Variants in SPATA3 observed in about 807,000 individuals in gnomAD.
SPATA3 encodes spermatogenesis associated 3, also known as spermatogenesis-associated protein 3.
Under a neutral mutation model 5.7 loss-of-function variants are expected in SPATA3, and 6 were observed. The observed-to-expected ratio is 1.06, with a 90% confidence interval of 0.58 to 2.09. SPATA3 has a LOEUF of 2.09. Ranked by LOEUF, SPATA3 falls within the 30% of genes most tolerant of loss-of-function variation. The pLI is 0.00. For missense variants in SPATA3, 155 were observed against 130.4 expected, an observed-to-expected ratio of 1.19 and a Z score of -0.92; for synonymous variants, 44 against 48.4, an observed-to-expected ratio of 0.91 and a Z score of 0.37.
intron 2 of SPATA3, among the ~76,000 whole-genome samples, chr2:231,001,745 A>C (rs188485095): frequency 4.6e-5 from 7 of 152,228 alleles, no homozygotes; most frequent in Admixed American, 3.9e-4. Flanking sequence ...AAACCAGAAC[A>C]GGGAACTTTA....
At chr2:231,017,060 C>T (rs1692954848) in intron 6 of SPATA3, among the ~76,000 whole-genome samples, 2 of 152,136 alleles carry the variant, frequency 1.3e-5, no homozygotes, top group Admixed American at 1.3e-4. Context: ...GCATCATATG[C>T]CTGTTTCGTA....
downstream of SPATA3, chr2:231,004,209 G>A (rs1209767917): frequency 2.6e-5 from 4 of 152,234 alleles, no homozygotes; most frequent in African/African-American, 9.7e-5. Flanking sequence ...TTCCTTAGCT[G>A]CTATGCTATT....
chr2:231,015,129 G>C (rs916437825), intron 6 of SPATA3, among the ~76,000 whole-genome samples: 1 of 152,124 alleles, frequency 6.6e-6, no homozygotes, highest in Non-Finnish European at 1.5e-5. Context: ...CCCAACTGAG[G>C]AGAGAGGGAG....
downstream of SPATA3, among the ~76,000 whole-genome samples, chr2:231,008,034 A>G (rs1472290524): frequency 1.3e-5 from 2 of 152,148 alleles, no homozygotes; most frequent in Non-Finnish European, 2.9e-5. Flanking sequence ...AAAAAAAGGA[A>G]CCACCAAAGA....
downstream of SPATA3, among the ~76,000 whole-genome samples, chr2:231,003,365 G>A (rs1402821966): frequency 6.6e-6 from 1 of 152,180 alleles, no homozygotes; most frequent in African/African-American, 2.4e-5. Context: ...GGCTCATGCA[G>A]CCATCTTCCC....
chr2:231,016,369 C>T (rs35947267), intron 6 of SPATA3, among the ~76,000 whole-genome samples: 59,436 of 151,876 alleles, frequency 0.39, 12,380 homozygotes, highest in African/African-American at 0.52. Context: ...CACACTTCCC[C>T]GAATTCTCTG....
downstream of SPATA3, among the ~76,000 whole-genome samples, chr2:231,005,571 T>C (rs796280961): frequency 3.8e-4 from 7 of 18,422 alleles, no homozygotes; most frequent in South Asian, 3.5e-3. Flanking sequence ...ATCACCATCA[T>C]CATCACCATC....
At chr2:231,003,000 CA>C (rs1390452806), downstream of SPATA3, among the ~76,000 whole-genome samples, 2 of 152,128 alleles carry the variant, frequency 1.3e-5, no homozygotes, top group African/African-American at 4.8e-5. Flanking sequence ...CTCATTATTA[CA>C]ATCATCTAAA....
chr2:230,998,599 G>A (rs1692223765), intron 1 of SPATA3, among the ~76,000 whole-genome samples: 1 of 152,228 alleles, frequency 6.6e-6, no homozygotes, highest in Non-Finnish European at 1.5e-5. Flanking sequence ...TGGAGATGAA[G>A]GATGAGGGCC....
intron 6 of SPATA3, among the ~76,000 whole-genome samples, chr2:231,017,183 A>C (rs567705605): frequency 3.2e-4 from 49 of 152,226 alleles, no homozygotes; most frequent in Non-Finnish European, 5.9e-4. Context: ...ACCTAGCTCC[A>C]TCTGGCTTAG....
chr2:231,016,725 G>A (rs562498155), intron 6 of SPATA3, among the ~76,000 whole-genome samples: 51 of 152,052 alleles, frequency 3.4e-4, no homozygotes, highest in Non-Finnish European at 6.2e-4. Flanking sequence ...CCCTTCCCTG[G>A]CTTCTGACTC....
chr2:230,996,203 T>C lies in SPATA3; in HGVS notation c.791-4163T>C, dbSNP rs1692111526. On this transcript the variant is annotated intron_variant, in intron 1 of 2. It removes the in-frame stop codon of an upstream open reading frame in the 5' UTR. Transcript: ENST00000645363. ...AGCCGGGAGATTACGCAGCTCCATGTAGGTCCACGTTTAGGTTGGGAGGAT... is the reference window on the plus strand; with the variant it reads ...AGCCGGGAGATTACGCAGCTCCATGCAGGTCCACGTTTAGGTTGGGAGGAT... 2 of 1,536,016 alleles carry C rather than the reference T, an allele frequency of 1.3e-6. No individual in the cohort carries two copies. Among genetic ancestry groups the C allele is most frequent in the African/African-American group, 1.4e-5 (1 of 72,602 alleles).
downstream of SPATA3, among the ~76,000 whole-genome samples, chr2:231,010,410 T>C (rs1460766920): frequency 1.3e-5 from 2 of 152,252 alleles, no homozygotes; most frequent in Non-Finnish European, 2.9e-5. Flanking sequence ...TTCCTTCCTC[T>C]GGGGCATGGG....
chr2:231,018,607 G>C (rs892727408), intron 6 of SPATA3, among the ~76,000 whole-genome samples: 1 of 152,122 alleles, frequency 6.6e-6, no homozygotes, highest in African/African-American at 2.4e-5. Flanking sequence ...CTTCAGCAGG[G>C]GAGGGAGAGA....
chr2:231,002,878 C>T, downstream of SPATA3: 1 of 839,076 alleles, frequency 1.2e-6, no homozygotes, highest in Non-Finnish European at 1.7e-6. Flanking sequence ...TTCAGGTGGA[C>T]CAAGCCCCGG....
intron 1 of SPATA3, among the ~76,000 whole-genome samples, chr2:230,997,263 A>T (rs561953621): frequency 1.3e-5 from 2 of 152,276 alleles, no homozygotes; most frequent in East Asian, 3.9e-4. Context: ...AATGGTTTTA[A>T]AAAAGGGAGT....
chr2:230,998,577 AG>A (rs1178515037), intron 1 of SPATA3, among the ~76,000 whole-genome samples: 5 of 152,268 alleles, frequency 3.3e-5, no homozygotes, highest in Non-Finnish European at 7.3e-5. Flanking sequence ...TTCTCTGCGT[AG>A]AAAGGAATGT....
intron 7 of SPATA3, among the ~76,000 whole-genome samples, chr2:231,020,050 C>T (rs1211931821): frequency 1.3e-5 from 2 of 150,346 alleles, no homozygotes; most frequent in African/African-American, 2.4e-5. Context: ...TGGTCCCATC[C>T]TTGAGTTTTC....
downstream of SPATA3, among the ~76,000 whole-genome samples, chr2:231,009,848 A>G (rs931792482): frequency 3.3e-5 from 5 of 152,260 alleles, no homozygotes; most frequent in African/African-American, 1.2e-4. Context: ...TTTGGGATAC[A>G]TTAAGATTTG....
Sources: gnomAD v4.1 joint callset for allele counts (sites outside exome capture counted in the v4.1 genomes callset) on GRCh38, gnomAD v4.1.1 for gene constraint, MANE v1.5 for transcripts, NCBI Gene and HGNC (gene_info 2026-07-23, HGNC 2026-07-21) for gene names.